Variants in CPA5 observed in about 807,000 individuals in gnomAD.
The protein encoded by CPA5 is carboxypeptidase A5.
CPA5 carries 38 observed loss-of-function variants against 52.2 expected under a neutral mutation model. The observed-to-expected ratio is 0.73, with a 90% CI of 0.56 to 0.95. CPA5 has a LOEUF of 0.95. Ranked by LOEUF, CPA5 falls within the 40% of genes least tolerant of loss-of-function variation. The pLI is 0.00. For synonymous variants in CPA5, 198 were observed against 213.7 expected, an observed-to-expected ratio of 0.93 and a Z score of 0.64; for missense variants, 519 against 566.7, an observed-to-expected ratio of 0.92 and a Z score of 0.86.
At chr7:130,346,699 C>A in intron 3 of CPA5, 98 bp downstream of exon 3, 1 of 940,174 alleles carries the variant, frequency 1.1e-6, no homozygotes, top group Non-Finnish European at 1.7e-6. Flanking sequence ...CTGATCAAGG[C>A]GGAGAGTCAG....
At chr7:130,368,350 C>A in intron 12 of CPA5, 60 bp from the exon 13 acceptor site, 1 of 1,549,842 alleles carries the variant, frequency 6.5e-7, no homozygotes. Context: ...TGCCTCTGTA[C>A]CTTGCAGCCA....
chr7:130,346,680 T>TGGTGCCTGATCAAGGC, intron 3 of CPA5, 79 bp downstream of exon 3: 1 of 1,157,360 alleles, frequency 8.6e-7, no homozygotes, highest in East Asian at 2.4e-5. Flanking sequence ...GTGGCTGCCC[T>TGGTGCCTGATCAAGGC]GCTGGTGCCT....
At position 130,349,988 on chromosome 7, in the gene CPA5, G is replaced by T. The variant is rs150894289; in HGVS notation, c.212G>T (p.Arg71Leu). ...TTGGTGAACAAGGTGGACTTCTGGC[G>T]TGGCCCAGCCAGGCCCAGCCTCCCT... is the stretch of plus-strand genomic sequence containing the variant. ...GLKPQKVDFW[R>L]GPARPSLPVD... is the part of the protein sequence containing the mutation. Residue 71 changes from arginine (R) to leucine (L), a missense_variant, in exon 5 of 13, where the codon CGT becomes CTT. Physicochemically the swap from Arg to Leu is moderately radical, Grantham distance 102. Coordinates refer to ENST00000474905, the MANE Select transcript of CPA5 (RefSeq NM_080385.5). The T allele has an allele frequency of 1.2e-6, 2 of 1,613,346 alleles. No homozygotes were observed. The highest frequency in any genetic ancestry group is 2.2e-5 in the South Asian group (2 of 90,914).
At chr7:130,365,017 T>TGCTGTTGATAATCAGACCTATAG (rs1554407846) in intron 10 of CPA5, among the ~76,000 whole-genome samples, 1 of 152,208 alleles carries the variant, frequency 6.6e-6, no homozygotes, top group African/African-American at 2.4e-5. Flanking sequence ...ACGGTGTCAT[T>TGCTGTTGATAATCAGACCTATAG]GCTGTTGATA....
intron 7 of CPA5, among the ~76,000 whole-genome samples, chr7:130,361,608 G>A (rs1483519506): frequency 3.9e-5 from 6 of 152,110 alleles, no homozygotes; most frequent in South Asian, 2.1e-4. Flanking sequence ...TACACAGAAG[G>A]CCCATTTGCT....
intron 5 of CPA5, among the ~76,000 whole-genome samples, chr7:130,357,044 G>C (rs1443050630): frequency 6.6e-6 from 1 of 152,218 alleles, no homozygotes; most frequent in Admixed American, 6.5e-5. Flanking sequence ...GAGGACCGGG[G>C]CTCCTCCGGC....
Position 130,362,442 on chromosome 7 carries a change from G to A in CPA5, c.539G>A (p.Ser180Asn), listed in dbSNP as rs782427669. 5.6e-6 allele frequency: 9 copies of A among 1,610,614 alleles called. No homozygotes were observed. Among genetic ancestry groups the A allele is most frequent in the Admixed American group, 5.0e-5 (3 of 59,942 alleles). ...ENQSILVLKF[S>N]TGGSRHPAIW... ...GGGCCCGATTCTTTTTCTCAGTTCA[G>A]CACTGGAGGTTCTCGGCACCCAGCC... Residue 180 changes from serine to asparagine, a missense_variant, in exon 8 of 13, where the codon AGC becomes AAC. By Grantham distance (46) the Ser-to-Asn change is conservative. Transcript: ENST00000474905.
intron 12 of CPA5, 64 bp downstream of exon 12, chr7:130,368,054 GT>G: frequency 6.8e-7 from 1 of 1,473,984 alleles, no homozygotes; most frequent in Non-Finnish European, 9.5e-7. Flanking sequence ...CTGCAGGGCA[GT>G]GCCAAGGATC....
At chr7:130,354,712 TTTTG>T (rs782760767) in intron 5 of CPA5, among the ~76,000 whole-genome samples, 15 of 151,828 alleles carry the variant, frequency 9.9e-5, no homozygotes, top group African/African-American at 1.2e-4. Context: ...CGAGAGGTTT[TTTTG>T]TTTGTTTGTT....
At chr7:130,370,918 G>T (rs540528888), downstream of CPA5, among the ~76,000 whole-genome samples, 2 of 152,222 alleles carry the variant, frequency 1.3e-5, no homozygotes, top group African/African-American at 4.8e-5. Context: ...CTTCCGGGGG[G>T]AGTTGGGCCT....
chr7:130,367,471 A>T lies in CPA5; in HGVS notation c.938A>T (p.His313Leu). Residue 313 changes from histidine to leucine, a missense_variant, in exon 11 of 13, where the codon CAT (histidine) becomes CTT (leucine). Transcript: ENST00000474905. ...VAAIVNFITA[H>L]GNFKALISIH... is the part of the protein sequence containing the mutation. ...GCCATAGTGAACTTCATCACAGCCC[A>T]TGGCAACTTCAAGGCTCTGATCTCC... 1.9e-6 allele frequency: 3 copies of T among 1,614,112 alleles called. No individual in the cohort carries two copies. The highest frequency in any genetic ancestry group is 2.5e-6 in the Non-Finnish European group (3 of 1,180,032).
rs1224643034 is a variant in CPA5, at chr7:130,362,910, T to G, written c.663T>G (p.Arg221=). The G allele has an allele frequency of 6.2e-7, 1 of 1,613,338 alleles. No individual in the cohort carries two copies. Among genetic ancestry groups the G allele is most frequent in the Non-Finnish European group, 8.5e-7 (1 of 1,179,462 alleles). ...TTGTCAGTGATTATGGCAAAGACCG[T>G]GTCCTGACAGACATACTGAATGCCA... ...NKIVSDYGKD[R]VLTDILNAMD... is the part of the protein sequence containing the mutation. The change falls in exon 9 of 13, where the codon CGT becomes CGG. Residue 221 remains arginine (R), a synonymous_variant. Coordinates refer to ENST00000474905, the MANE Select transcript of CPA5 (RefSeq NM_080385.5).
In CPA5 at chr7:130,349,841, C is replaced by A. The variant is rs945564128; in HGVS notation, c.199-134C>A. Reference sequence around the variant, plus strand: ...CGCTGAGGGGCTTTGGGACATCACACCCCCGTCCCCATCTCCTGCGTAGAA... The same window carrying A: ...CGCTGAGGGGCTTTGGGACATCACAACCCCGTCCCCATCTCCTGCGTAGAA... On this transcript the variant is annotated intron_variant, in intron 4 of 12. Coordinates refer to ENST00000474905, the MANE Select transcript of CPA5 (RefSeq NM_080385.5). The A allele has an allele frequency of 5.7e-5, 57 of 1,005,122 alleles. No individual in the cohort carries two copies. The South Asian group carries it at 8.1e-4, about 14-fold the overall frequency. The allele number at this position is 1,005,122 out of a possible 1,614,324, so 62.3% of individuals were successfully genotyped here. A position where few individuals can be genotyped will look rare whatever the true frequency, so the allele number is the denominator to read the frequency against.
At chr7:130,367,290 G>A (rs952785532) in intron 10 of CPA5, 82 bp from the exon 11 acceptor site, 3 of 1,226,868 alleles carry the variant, frequency 2.4e-6, no homozygotes, top group Middle Eastern at 2.5e-4. Flanking sequence ...GGAAATGTAG[G>A]GGAACACACA....
chr7:130,367,903 C>T lies in CPA5; in HGVS notation c.1039-3C>T. 1 of 1,613,980 alleles carries T rather than the reference C, an allele frequency of 6.2e-7. No individual in the cohort carries two copies. Among genetic ancestry groups the T allele is most frequent in the Non-Finnish European group, 8.5e-7 (1 of 1,179,816 alleles). Reference sequence around the variant, plus strand: ...CTTTCACCCCGCCAATGTCATCTTGCAGTACGATCTTGCCAAGGATGCGGT... The same window carrying T: ...CTTTCACCCCGCCAATGTCATCTTGTAGTACGATCTTGCCAAGGATGCGGT... On this transcript the variant is annotated splice_region_variant and splice_polypyrimidine_tract_variant and intron_variant, in intron 11 of 12. Coordinates refer to ENST00000474905, the MANE Select transcript of CPA5 (RefSeq NM_080385.5).
At chr7:130,362,833 C>T in intron 8 of CPA5, 51 bp from the exon 9 acceptor site, 1 of 1,220,452 alleles carries the variant, frequency 8.2e-7, no homozygotes, top group Non-Finnish European at 1.2e-6. Context: ...CCTGTGCCAC[C>T]TCCCAGGAGA....
intron 3 of CPA5, 80 bp downstream of exon 3, chr7:130,346,681 G>A (rs986491612): frequency 3.7e-6 from 4 of 1,087,976 alleles, no homozygotes; most frequent in African/African-American, 3.1e-5. Context: ...TGGCTGCCCT[G>A]CTGGTGCCTG....
intron 6 of CPA5, among the ~76,000 whole-genome samples, chr7:130,360,827 C>T (rs1795751068): frequency 6.6e-6 from 1 of 152,208 alleles, no homozygotes; most frequent in Non-Finnish European, 1.5e-5. Context: ...GAGAGAATTT[C>T]TAACCAGAGA....
At chr7:130,348,314 T>C (rs1203244887) in intron 4 of CPA5, among the ~76,000 whole-genome samples, 1 of 152,210 alleles carries the variant, frequency 6.6e-6, no homozygotes, top group Non-Finnish European at 1.5e-5. Context: ...TCTGCAGGTT[T>C]TCACAATGGA....
Sources: allele counts gnomAD v4.1 joint callset (sites outside exome capture counted in the v4.1 genomes callset), GRCh38; gene constraint gnomAD v4.1.1; transcripts MANE v1.5; gene names NCBI Gene and HGNC (gene_info 2026-07-23, HGNC 2026-07-21).